The following VWA8 variants were observed in gnomAD, a reference collection of about 807,000 sequenced individuals.
The protein encoded by VWA8 is von Willebrand factor A domain-containing protein 8.
VWA8 carries 221 observed loss-of-function variants against 241.5 expected under a neutral mutation model. The observed-to-expected ratio is 0.91, with a 90% CI of 0.82 to 1.02. VWA8 has a LOEUF of 1.02. Ranked by LOEUF, VWA8 falls within the 50% of genes least tolerant of loss-of-function variation. VWA8 has a pLI of 0.00. For missense variants in VWA8, 2,322 were observed against 2,328.7 expected (o/e 1.00, Z 0.06); for synonymous variants, 852 against 827.1 (o/e 1.03, Z -0.52).
At chr13:41,738,595 T>C (rs1343280044) in intron 21 of VWA8, among the ~76,000 whole-genome samples, 2 of 152,168 alleles carry the variant, frequency 1.3e-5, no homozygotes, top group African/African-American at 2.4e-5. Flanking sequence ...CCACTGTTTA[T>C]AAATAAAAAC....
chr13:41,902,858 C>T (rs1437455716), intron 4 of VWA8, among the ~76,000 whole-genome samples: 2 of 152,068 alleles, frequency 1.3e-5, no homozygotes, highest in Admixed American at 6.6e-5. Flanking sequence ...TATGTCAATT[C>T]GTAATAACCT....
At chr13:41,926,403 G>A in intron 2 of VWA8, 1 of 544,576 alleles carries the variant, frequency 1.8e-6, no homozygotes. Context: ...AACTCCCATG[G>A]TGAACATCAT....
intron 10 of VWA8, among the ~76,000 whole-genome samples, chr13:41,866,595 C>T (rs1269180696): frequency 3.9e-5 from 6 of 151,994 alleles, no homozygotes; most frequent in Non-Finnish European, 7.4e-5. Flanking sequence ...TACAAATCTT[C>T]CAAATCAATT....
intron 25 of VWA8, among the ~76,000 whole-genome samples, chr13:41,720,392 T>G (rs988525269): frequency 6.6e-6 from 1 of 152,146 alleles, no homozygotes; most frequent in Non-Finnish European, 1.5e-5. Flanking sequence ...TTTTTAATCT[T>G]GATTTCTTTC....
chr13:41,897,223 A>C (rs954144480), intron 4 of VWA8, among the ~76,000 whole-genome samples: 6 of 152,336 alleles, frequency 3.9e-5, no homozygotes, highest in African/African-American at 1.4e-4. Flanking sequence ...ATTGCAAAAA[A>C]AAAAGATAAG....
chr13:41,774,132 ATTTAT>A (rs1272130485), intron 20 of VWA8, among the ~76,000 whole-genome samples: 1 of 151,990 alleles, frequency 6.6e-6, no homozygotes, highest in Admixed American at 6.5e-5. Flanking sequence ...GAATTTATTT[ATTTAT>A]TTATTTATTA....
chr13:41,740,569 T>C (rs1186648849), intron 21 of VWA8, among the ~76,000 whole-genome samples: 22 of 152,220 alleles, frequency 1.4e-4, no homozygotes, highest in Admixed American at 1.4e-3. Flanking sequence ...TTGGTATAAA[T>C]GCAATCGGTT....
rs374861061 is a variant in VWA8 at position 41,747,607 on chromosome 13, T to C, written c.2426+13521A>G. ...CCCTTTATTTCCTTCTCCTGCCTGA[T>C]TGCCCTGGCCAGAACTTCCAACACT... On this transcript the variant is annotated intron_variant, in intron 21 of 44. Transcript: ENST00000379310. Among the ~76,000 whole-genome samples the C allele has an allele frequency of 3.0e-4, 46 of 152,288 alleles. No individual in the cohort carries two copies. The East Asian group carries it at 8.1e-3, about 27-fold the overall frequency.
chr13:41,573,989 A>C (rs2044333464), intron 43 of VWA8, among the ~76,000 whole-genome samples: 1 of 152,220 alleles, frequency 6.6e-6, no homozygotes, highest in Non-Finnish European at 1.5e-5. Flanking sequence ...TGTAACACAA[A>C]AGATAAATGC....
intron 2 of VWA8, among the ~76,000 whole-genome samples, chr13:41,949,603 G>A (rs1426174092): frequency 6.6e-6 from 1 of 151,572 alleles, no homozygotes; most frequent in Non-Finnish European, 1.5e-5. Context: ...CTGCACATGT[G>A]TCCCAGGGCT....
At chr13:41,741,061 A>T (rs540792654) in intron 21 of VWA8, among the ~76,000 whole-genome samples, 1 of 152,266 alleles carries the variant, frequency 6.6e-6, no homozygotes, top group African/African-American at 2.4e-5. Context: ...TTATTTTCCC[A>T]CATAACACTT....
At chr13:41,957,253 T>C (rs1277128837) in intron 1 of VWA8, among the ~76,000 whole-genome samples, 2 of 152,206 alleles carry the variant, frequency 1.3e-5, no homozygotes, top group Non-Finnish European at 2.9e-5. Context: ...TGAAAAAGTC[T>C]CACGAGGTCT....
chr13:41,826,062 A>T (rs900898881), intron 14 of VWA8, among the ~76,000 whole-genome samples: 1 of 148,782 alleles, frequency 6.7e-6, no homozygotes, highest in Non-Finnish European at 1.5e-5. Context: ...AATCTAACCT[A>T]TTATAACCCT....
At chr13:41,901,884 A>T (rs1203097259) in intron 4 of VWA8, among the ~76,000 whole-genome samples, 2 of 81,942 alleles carry the variant, frequency 2.4e-5, no homozygotes, top group Admixed American at 1.7e-4. Context: ...AAAAAAAAAA[A>T]AAAAAATATA....
intron 43 of VWA8, among the ~76,000 whole-genome samples, chr13:41,572,797 TAAAAAAA>T (rs869088660): frequency 7.8e-4 from 53 of 67,786 alleles, no homozygotes; most frequent in Non-Finnish European, 1.2e-3. Flanking sequence ...CAATAAATAC[TAAAAAAA>T]AAAAAAAAAA....
At chr13:41,653,217 T>A (rs1411947517) in intron 37 of VWA8, among the ~76,000 whole-genome samples, 1 of 152,152 alleles carries the variant, frequency 6.6e-6, no homozygotes, top group African/African-American at 2.4e-5. Context: ...AACTGCCTGT[T>A]ATAAATTAAT....
At chr13:41,577,880 T>A (rs1378666837) in intron 42 of VWA8, among the ~76,000 whole-genome samples, 1 of 152,214 alleles carries the variant, frequency 6.6e-6, no homozygotes, top group Non-Finnish European at 1.5e-5. Flanking sequence ...AAATCTTTGA[T>A]CATATGGTCT....
chr13:41,874,684 T>A (rs919929686), intron 9 of VWA8, among the ~76,000 whole-genome samples: 2 of 152,146 alleles, frequency 1.3e-5, no homozygotes, highest in African/African-American at 4.8e-5. Context: ...GGCTTCCCTA[T>A]TCATCCTTAC....
intron 35 of VWA8, among the ~76,000 whole-genome samples, chr13:41,677,639 C>T (rs2045069399): frequency 6.6e-6 from 1 of 152,058 alleles, no homozygotes; most frequent in Non-Finnish European, 1.5e-5. Flanking sequence ...TGTAAAATAT[C>T]CCATTTTATA....
Sources: allele counts gnomAD v4.1 joint callset (sites outside exome capture counted in the v4.1 genomes callset), GRCh38; gene constraint gnomAD v4.1.1; transcripts MANE v1.5; gene names NCBI Gene and HGNC (gene_info 2026-07-23, HGNC 2026-07-21).